Variants in CTTNBP2NL observed in about 807,000 individuals in gnomAD.
CTTNBP2NL encodes the protein CTTNBP2 N-terminal-like protein.
In CTTNBP2NL, 16 loss-of-function variants were observed where a neutral mutation model predicts 32.5. The ratio of observed to expected loss-of-function variants is 0.49; its 90% CI spans 0.33 to 0.75. The LOEUF is 0.75. Ranked by LOEUF, CTTNBP2NL falls within the 30% of genes least tolerant of loss-of-function variation. CTTNBP2NL has a pLI of 0.02. For missense variants in CTTNBP2NL, 645 were observed against 756.0 expected (o/e 0.85, Z 1.72); for synonymous variants, 298 against 289.4 (o/e 1.03, Z -0.30).
chr1:112,401,310 C>T (rs1484596243), intron 1 of CTTNBP2NL, among the ~76,000 whole-genome samples: 1 of 152,090 alleles, frequency 6.6e-6, no homozygotes, highest in African/African-American at 2.4e-5. Context: ...GTGTATCTGT[C>T]TTGGAGTGTG....
At chr1:112,439,673 T>A (rs182433476) in intron 3 of CTTNBP2NL, among the ~76,000 whole-genome samples, 2 of 152,284 alleles carry the variant, frequency 1.3e-5, no homozygotes, top group East Asian at 3.9e-4. Context: ...ACTTTAAGTA[T>A]CACACACAGC....
At chr1:112,402,882 G>A (rs992679706) in intron 1 of CTTNBP2NL, among the ~76,000 whole-genome samples, 1 of 151,938 alleles carries the variant, frequency 6.6e-6, no homozygotes, top group African/African-American at 2.4e-5. Flanking sequence ...GTTCCTCTTG[G>A]GGGTCAAATA....
chr1:112,392,487 C>T (rs1172974784), upstream of CTTNBP2NL, among the ~76,000 whole-genome samples: 1 of 152,154 alleles, frequency 6.6e-6, no homozygotes, highest in Non-Finnish European at 1.5e-5. Flanking sequence ...GAGAAGGTTA[C>T]TTTGCCAAGT....
intron 1 of CTTNBP2NL, among the ~76,000 whole-genome samples, chr1:112,411,277 A>G (rs559312814): frequency 1.3e-3 from 191 of 152,350 alleles, no homozygotes; most frequent in African/African-American, 4.3e-3. Flanking sequence ...AGCAACTCAA[A>G]TGGGCTTTCA....
At chr1:112,437,069 C>T (rs1649757449) in intron 3 of CTTNBP2NL, among the ~76,000 whole-genome samples, 1 of 152,106 alleles carries the variant, frequency 6.6e-6, no homozygotes, top group South Asian at 2.1e-4. Context: ...TTGATTGTGT[C>T]TTTGCTATTG....
intron 3 of CTTNBP2NL, among the ~76,000 whole-genome samples, chr1:112,433,602 C>A (rs1649637727): frequency 6.6e-6 from 1 of 152,230 alleles, no homozygotes; most frequent in Admixed American, 6.5e-5. Context: ...AAAAAACAAA[C>A]CAACATAATA....
intron 3 of CTTNBP2NL, among the ~76,000 whole-genome samples, chr1:112,446,053 A>G (rs1446623584): frequency 6.6e-6 from 1 of 152,202 alleles, no homozygotes. Flanking sequence ...TTCCTTTACC[A>G]TCACTAACCA....
At chr1:112,435,846 G>C (rs1001747244) in intron 3 of CTTNBP2NL, among the ~76,000 whole-genome samples, 1 of 152,104 alleles carries the variant, frequency 6.6e-6, no homozygotes, top group Non-Finnish European at 1.5e-5. Context: ...TGCATTCCCT[G>C]ACTGGTCAGT....
intron 1 of CTTNBP2NL, among the ~76,000 whole-genome samples, chr1:112,397,818 T>C (rs1648374517): frequency 6.6e-6 from 1 of 152,210 alleles, no homozygotes; most frequent in East Asian, 1.9e-4. Flanking sequence ...ATGCAAGGAG[T>C]TGGAATCACG....
chr1:112,429,544 T>C (rs1359937947), intron 3 of CTTNBP2NL, among the ~76,000 whole-genome samples: 2 of 152,178 alleles, frequency 1.3e-5, no homozygotes, highest in Non-Finnish European at 2.9e-5. Flanking sequence ...AATGCATGTA[T>C]CTAGAAGAAA....
Position 112,459,492 on chromosome 1 carries a change from G to A in CTTNBP2NL, c.*2080G>A, listed in dbSNP as rs548188860. 1 of 114,496 alleles carries A rather than the reference G, an allele frequency of 8.7e-6. No homozygotes were observed. The highest frequency in any genetic ancestry group is 3.9e-4 in the South Asian group (1 of 2,538). The allele number at this position is 114,496 out of a possible 1,614,324, so 7.1% of individuals were successfully genotyped here. On this transcript the variant is annotated 3_prime_UTR_variant, in exon 6 of 6. Transcript: ENST00000271277. ...AGTTGATAGTAAAAAGGCAGGTGAT[G>A]GAAATCAGTGTATAAATCACAATGG...
In CTTNBP2NL at chr1:112,427,382, G is replaced by A. The variant is rs1649433190; in HGVS notation, c.99+11118G>A. On this transcript the variant is annotated intron_variant, in intron 3 of 5. Transcript: ENST00000271277. Reference sequence around the variant, plus strand: ...AGTTGTTGAAGAATAAGTAAACATAGTATTGCTTCTCCGTTTTACTTTTGG... The same window carrying A: ...AGTTGTTGAAGAATAAGTAAACATAATATTGCTTCTCCGTTTTACTTTTGG... Among the ~76,000 whole-genome samples the A allele has an allele frequency of 3.3e-5, 5 of 152,138 alleles. No individual in the cohort carries two copies. The South Asian group carries it at 6.2e-4, about 19-fold the overall frequency.
chr1:112,430,019 G>A (rs907698131), intron 3 of CTTNBP2NL, among the ~76,000 whole-genome samples: 5 of 152,084 alleles, frequency 3.3e-5, no homozygotes, highest in Admixed American at 6.6e-5. Context: ...GCAGAAAAGG[G>A]CCAAAAGGTA....
intron 3 of CTTNBP2NL, among the ~76,000 whole-genome samples, chr1:112,431,810 A>G (rs1004678934): frequency 6.6e-6 from 1 of 152,164 alleles, no homozygotes; most frequent in Non-Finnish European, 1.5e-5. Context: ...ATTAGGTTTT[A>G]TACACACAGA....
upstream of CTTNBP2NL, among the ~76,000 whole-genome samples, chr1:112,394,358 A>C (rs553696143): frequency 6.6e-6 from 1 of 152,322 alleles, no homozygotes; most frequent in East Asian, 1.9e-4. Flanking sequence ...GCATACACAT[A>C]GGCAGAGCGA....
At chr1:112,427,328 C>T (rs918245036) in intron 3 of CTTNBP2NL, among the ~76,000 whole-genome samples, 1 of 152,096 alleles carries the variant, frequency 6.6e-6, no homozygotes, top group Non-Finnish European at 1.5e-5. Context: ...AGGTGACATC[C>T]CCTATATTCT....
At chr1:112,410,168 G>A (rs974357464) in intron 1 of CTTNBP2NL, among the ~76,000 whole-genome samples, 28 of 152,140 alleles carry the variant, frequency 1.8e-4, no homozygotes, top group African/African-American at 6.8e-4. Flanking sequence ...CAAGGCGGGG[G>A]GATCACCTGA....
At chr1:112,431,777 T>G (rs2483349) in intron 3 of CTTNBP2NL, among the ~76,000 whole-genome samples, 83,848 of 151,788 alleles carry the variant, frequency 0.55, 24,274 homozygotes, top group South Asian at 0.7. Flanking sequence ...AAAACAGTTT[T>G]ACACAATAAT....
intron 3 of CTTNBP2NL, among the ~76,000 whole-genome samples, chr1:112,440,231 T>C (rs1449820719): frequency 1.7e-4 from 26 of 152,218 alleles, no homozygotes; most frequent in Admixed American, 1.6e-3. Context: ...AACACAGAGA[T>C]GTGTTGTGTT....
Sources: gnomAD v4.1 joint callset for allele counts (sites outside exome capture counted in the v4.1 genomes callset) on GRCh38, gnomAD v4.1.1 for gene constraint, MANE v1.5 for transcripts, NCBI Gene and HGNC (gene_info 2026-07-23, HGNC 2026-07-21) for gene names.